The following PICALM variants were observed in gnomAD, a reference collection of about 807,000 sequenced individuals.
The protein encoded by PICALM is phosphatidylinositol binding clathrin assembly protein.
In PICALM, 40 loss-of-function variants were observed where a neutral mutation model predicts 80.5. That is an observed-to-expected ratio of 0.50 (90% confidence interval 0.39 to 0.65). The LOEUF is 0.65. Ranked by LOEUF, PICALM falls within the 30% of genes least tolerant of loss-of-function variation. The pLI is 0.00. For missense variants in PICALM, 676 were observed against 778.9 expected (o/e 0.87, Z 1.57); for synonymous variants, 288 against 260.3 (o/e 1.11, Z -1.02).
chr11:85,995,990 T>C (rs1258989161), intron 12 of PICALM, among the ~76,000 whole-genome samples: 1 of 152,146 alleles, frequency 6.6e-6, no homozygotes, highest in African/African-American at 2.4e-5. Context: ...ATCTAGTGTT[T>C]TAGGGTTTTA....
chr11:86,031,317 A>T, intron 2 of PICALM, 152 bp downstream of exon 2: 1 of 581,258 alleles, frequency 1.7e-6, no homozygotes, highest in Non-Finnish European at 2.9e-6. Flanking sequence ...CTTACAAGCT[A>T]TCTTTCCTCA....
At chr11:86,005,212 TA>T (rs1002631640) in intron 8 of PICALM, among the ~76,000 whole-genome samples, 2 of 152,148 alleles carry the variant, frequency 1.3e-5, no homozygotes, top group African/African-American at 4.8e-5. Flanking sequence ...ACTACATAAT[TA>T]ACTACTATGG....
chr11:86,012,644 TTTTTAG>T (rs2095417930), intron 5 of PICALM, among the ~76,000 whole-genome samples: 1 of 152,220 alleles, frequency 6.6e-6, no homozygotes, highest in Admixed American at 6.5e-5. Context: ...ACTGGAAATA[TTTTTAG>T]TTTTATCTCA....
At chr11:86,009,509 C>A (rs905587259) in intron 7 of PICALM, among the ~76,000 whole-genome samples, 4 of 151,184 alleles carry the variant, frequency 2.6e-5, no homozygotes, top group African/African-American at 9.7e-5. Flanking sequence ...CTGGCCAACA[C>A]GGTGAAACCC....
intron 11 of PICALM, among the ~76,000 whole-genome samples, chr11:86,000,316 G>A (rs1285454927): frequency 6.6e-6 from 1 of 152,128 alleles, no homozygotes; most frequent in Non-Finnish European, 1.5e-5. Context: ...ATATGTCAAA[G>A]AGCTATAAAG....
intron 1 of PICALM, among the ~76,000 whole-genome samples, chr11:86,050,589 T>C (rs1325205077): frequency 6.6e-6 from 1 of 152,192 alleles, no homozygotes; most frequent in African/African-American, 2.4e-5. Flanking sequence ...AATAATAATG[T>C]TTACATTTCT....
chr11:85,970,172 A>C (rs1468183642), intron 19 of PICALM, among the ~76,000 whole-genome samples: 1 of 152,242 alleles, frequency 6.6e-6, no homozygotes, highest in Non-Finnish European at 1.5e-5. Flanking sequence ...AATCTAGTAA[A>C]GAAAGCCCTT....
Position 85,983,927 on chromosome 11 carries a change from A to G in PICALM, c.1455T>C (p.Leu485=). The change falls in exon 14 of 20, where the codon CTT becomes CTC. Residue 485 remains leucine (L), a synonymous_variant. Coordinates refer to ENST00000393346, the MANE Select transcript of PICALM (RefSeq NM_007166.4). ...PVAQPHPSAG[L]NVDFESVFGN... The stretch of plus-strand genomic sequence containing the variant: ...CAAACACAGATTCAAAGTCAACATT[A>G]AGGCCAGCTGAAGGGTGTGGCTGTG... The G allele has an allele frequency of 6.2e-7, 1 of 1,606,418 alleles. No individual in the cohort carries two copies. The highest frequency in any genetic ancestry group is 8.5e-7 in the Non-Finnish European group (1 of 1,174,090).
At chr11:85,990,498 A>G in intron 12 of PICALM, 99 bp from the exon 13 acceptor site, 1 of 548,472 alleles carries the variant, frequency 1.8e-6, no homozygotes, top group South Asian at 6.1e-5. Flanking sequence ...TAGTAACTAT[A>G]TTATTGTTTA....
Position 85,983,852 on chromosome 11 carries a change from T to A in PICALM, c.1516+14A>T, listed in dbSNP as rs780665184. On this transcript the variant is annotated intron_variant, in intron 14 of 19. Transcript: ENST00000393346. ...GGACATTATAATATTTTTAATAAAA[T>A]TTTTTTTCCTTACCCCCAGAATCTA... 10 of 1,088,240 alleles carry A rather than the reference T, an allele frequency of 9.2e-6. No individual in the cohort carries two copies. The highest frequency in any genetic ancestry group is 1.6e-5 in the African/African-American group (1 of 60,722). The allele number at this position is 1,088,240 out of a possible 1,614,324, so 67.4% of individuals were successfully genotyped here. A position where few individuals can be genotyped will look rare whatever the true frequency, so the allele number is the denominator to read the frequency against.
intron 4 of PICALM, among the ~76,000 whole-genome samples, chr11:86,019,598 G>C (rs1011589000): frequency 1.3e-5 from 2 of 152,172 alleles, no homozygotes; most frequent in Admixed American, 6.5e-5. Flanking sequence ...TATTGGACAG[G>C]ATACAGAGGT....
In PICALM at chr11:85,990,272, T is replaced by C; in HGVS notation, c.1386A>G (p.Thr462=). The change falls in exon 13 of 20, where the codon ACA becomes ACG. Residue 462 remains threonine (T), a synonymous_variant. Transcript: ENST00000393346. ...TACCAACAAACATTTCATGAGTAGG[T>C]GTCCTAGTAGTAAAAGTAGATACAT... ...SSDVSTFTTR[T]PTHEMFVGFT... 1 of 1,602,434 alleles carries C rather than the reference T, an allele frequency of 6.2e-7. No homozygotes were observed. The highest frequency in any genetic ancestry group is 8.5e-7 in the Non-Finnish European group (1 of 1,171,296).
rs189832459 is a variant in PICALM, at chr11:85,974,261, G to A, written c.1944+447C>T. ...CCTCAGTGGCAGAAAGTTATCTAAC[G>A]AAAAAATAACATTCAAAACTTTTTG... On this transcript the variant is annotated intron_variant, in intron 19 of 19. Coordinates refer to ENST00000393346, the MANE Select transcript of PICALM (RefSeq NM_007166.4). Among the ~76,000 whole-genome samples the A allele has an allele frequency of 2.6e-5, 4 of 152,166 alleles. No homozygotes were observed. In the East Asian group the frequency reaches 5.8e-4, roughly 22 times the overall value.
intron 8 of PICALM, among the ~76,000 whole-genome samples, chr11:86,004,654 T>G (rs574464570): frequency 6.6e-6 from 1 of 152,130 alleles, no homozygotes. Context: ...AATGCACCAG[T>G]AGCATTTACT....
intron 1 of PICALM, among the ~76,000 whole-genome samples, chr11:86,055,245 G>A (rs942826020): frequency 6.6e-6 from 1 of 150,468 alleles, no homozygotes; most frequent in East Asian, 2.0e-4. Context: ...CAGGAGAATC[G>A]CTTGAACTCA....
chr11:86,006,152 G>A (rs1311173807), intron 8 of PICALM, among the ~76,000 whole-genome samples: 1 of 152,198 alleles, frequency 6.6e-6, no homozygotes, highest in Non-Finnish European at 1.5e-5. Flanking sequence ...TTCAAGCAAT[G>A]ACTTGTCTCA....
Position 86,031,355 on chromosome 11 carries a change from G to A in PICALM, c.273+114C>T, listed in dbSNP as rs151299874. 2.2e-4 allele frequency: 160 copies of A among 724,324 alleles called. 1 individual carries two copies. In the East Asian group the frequency reaches 4.1e-3, roughly 19 times the overall value. 44.9% of individuals were successfully genotyped at this position (724,324 alleles called of 1,614,324 possible). ...TTACAGGGTCTATAATTATATTTCTGGCTAGGCACCTTGACCTTTGTACCT... is the reference window on the plus strand; with the variant it reads ...TTACAGGGTCTATAATTATATTTCTAGCTAGGCACCTTGACCTTTGTACCT... On this transcript the variant is annotated intron_variant, in intron 2 of 19. Transcript: ENST00000393346.
chr11:86,039,977 C>T lies in PICALM; in HGVS notation c.131-8366G>A, dbSNP rs538327732. ...CGAGATCGCGCCATTGCACTCCAGC[C>T]TGGGCGACAGAGCATGACGCCGTCT... On this transcript the variant is annotated intron_variant, in intron 1 of 19. Transcript: ENST00000393346. Among the ~76,000 whole-genome samples, 217 of 136,384 alleles carry T rather than the reference C, an allele frequency of 1.6e-3. 1 individual carries two copies. The highest frequency in any genetic ancestry group is 5.5e-3 in the African/African-American group (203 of 36,938). 89.5% of individuals were successfully genotyped at this position (136,384 alleles called of 152,430 possible).
intron 1 of PICALM, among the ~76,000 whole-genome samples, chr11:86,063,676 T>C (rs533261240): frequency 2.0e-5 from 3 of 152,316 alleles, no homozygotes; most frequent in South Asian, 2.1e-4. Context: ...CCTCAGGCAT[T>C]TGACATGTGT....
Sources: allele counts gnomAD v4.1 joint callset (sites outside exome capture counted in the v4.1 genomes callset), GRCh38; gene constraint gnomAD v4.1.1; transcripts MANE v1.5; gene names NCBI Gene and HGNC (gene_info 2026-07-23, HGNC 2026-07-21).